COL5A1: variants seen among roughly 807,000 people sequenced by gnomAD.
COL5A1 encodes the protein collagen type V alpha 1 chain, also known as collagen alpha-1(V) chain.
Under a neutral mutation model 263.7 loss-of-function variants are expected in COL5A1, and 16 were observed. That is an observed-to-expected ratio of 0.06 (90% CI 0.04 to 0.09). The LOEUF is 0.09. Ranked by LOEUF, COL5A1 falls within the 10% of genes least tolerant of loss-of-function variation. The probability of loss-of-function intolerance (pLI) is 1.00; values close to 1 mark genes in which losing one functional copy is unlikely to be tolerated. For missense variants in COL5A1, 2,036 were observed against 2,540.5 expected (o/e 0.80, Z 4.27); for synonymous variants, 1,012 against 1,004.5 (o/e 1.01, Z -0.14).
chr9:134,642,151 G>C lies in COL5A1; in HGVS notation c.-37G>C. 8.1e-7 allele frequency: 1 copy of C among 1,238,868 alleles called. No homozygotes were observed. The highest frequency in any genetic ancestry group is 1.0e-6 in the Non-Finnish European group (1 of 995,628). The allele number at this position is 1,238,868 out of a possible 1,614,324, so 76.7% of individuals were successfully genotyped here. ...CCCCTGTGCGTCCCCGCGCGCCTCC[G>C]AGCGCCCCTGTGCGCCCCGGCCCGC... On this transcript the variant is annotated 5_prime_UTR_variant, in exon 1 of 66. Transcript: ENST00000371817. The surrounding 1 kb of genome is among the most constrained non-coding windows in gnomAD (Gnocchi z 4.5).
At position 134,642,339 on chromosome 9, in the gene COL5A1, G is replaced by C; in HGVS notation, c.109+43G>C. On this transcript the variant is annotated intron_variant, in intron 1 of 65. Transcript: ENST00000371817. This position sits in a 1 kb window ranked among gnomAD's most constrained non-coding sequence, Gnocchi z 4.5. ...CGCGGGGCTGCGGGATGGGGCGCGC[G>C]CAGCCCGGGCGCCGCTGTCATCCCC... 1.9e-6 allele frequency: 1 copy of C among 520,056 alleles called. No individual in the cohort carries two copies. Among genetic ancestry groups the C allele is most frequent in the Non-Finnish European group, 2.7e-6 (1 of 368,300 alleles). 32.2% of individuals were successfully genotyped at this position (520,056 alleles called of 1,614,324 possible). A position where few individuals can be genotyped will look rare whatever the true frequency, so the allele number is the denominator to read the frequency against.
chr9:134,733,580 G>A (rs1834984002), intron 9 of COL5A1, among the ~76,000 whole-genome samples: 1 of 152,230 alleles, frequency 6.6e-6, no homozygotes, highest in African/African-American at 2.4e-5. Context: ...GCAGAGGCAT[G>A]AAAGGAGACT....
At chr9:134,749,891 G>A (rs1357832003) in intron 11 of COL5A1, among the ~76,000 whole-genome samples, 1 of 152,246 alleles carries the variant, frequency 6.6e-6, no homozygotes, top group Non-Finnish European at 1.5e-5. Context: ...AAGCTGGCTG[G>A]AATTGGTCTA....
intron 63 of COL5A1, among the ~76,000 whole-genome samples, chr9:134,828,826 ACAC>A (rs1436142427): frequency 1.3e-5 from 2 of 151,082 alleles, no homozygotes; most frequent in Admixed American, 6.6e-5. Context: ...CACACACACC[ACAC>A]ATCACACAGA....
chr9:134,665,545 G>A (rs965700350), intron 1 of COL5A1, among the ~76,000 whole-genome samples: 1 of 152,194 alleles, frequency 6.6e-6, no homozygotes, highest in Admixed American at 6.5e-5. Flanking sequence ...ATTGGGACTC[G>A]TGTGTAGTTT....
intron 4 of COL5A1, among the ~76,000 whole-genome samples, chr9:134,707,700 C>T (rs10858274): frequency 9.9e-4 from 151 of 152,142 alleles, no homozygotes; most frequent in African/African-American, 3.6e-3. Context: ...GCCTTTGGAG[C>T]CTCTGGATCC....
chr9:134,752,675 C>A (rs770365872), intron 14 of COL5A1, 30 bp downstream of exon 14: 22 of 1,578,882 alleles, frequency 1.4e-5, no homozygotes, highest in Non-Finnish European at 1.9e-5. Flanking sequence ...GAGAGCTGGG[C>A]GTGGTGTGGG....
At chr9:134,703,923 G>A (rs892798102) in intron 4 of COL5A1, among the ~76,000 whole-genome samples, 7 of 152,130 alleles carry the variant, frequency 4.6e-5, no homozygotes, top group African/African-American at 1.7e-4. Context: ...GCAGGCGTGA[G>A]CCACCGCGCC....
chr9:134,836,581 G>A (rs1839862628), intron 65 of COL5A1, among the ~76,000 whole-genome samples: 1 of 152,228 alleles, frequency 6.6e-6, no homozygotes, highest in Non-Finnish European at 1.5e-5. Context: ...TCCTCAGTGT[G>A]AGGCCTGGGC....
At chr9:134,687,284 C>T (rs1182604727) in intron 1 of COL5A1, among the ~76,000 whole-genome samples, 1 of 152,204 alleles carries the variant, frequency 6.6e-6, no homozygotes, top group Non-Finnish European at 1.5e-5. Context: ...CACCCTGCAT[C>T]CTTATGCAAA....
Position 134,835,058 on chromosome 9 carries a change from G to T in COL5A1, c.5224G>T (p.Val1742Phe). 6.2e-7 allele frequency: 1 copy of T among 1,613,492 alleles called. No homozygotes were observed. Among genetic ancestry groups the T allele is most frequent in the South Asian group, 1.1e-5 (1 of 91,076 alleles). ...RLLSASAHQNVTYHCYQSVAW... is the reference protein window; with the variant it reads ...RLLSASAHQNFTYHCYQSVAW... ...GCTGAGCGCCTCTGCCCACCAGAAC[G>T]TCACCTACCACTGCTACCAGTCAGT... Residue 1742 changes from valine (V) to phenylalanine (F), a missense_variant, in exon 65 of 66, where the codon GTC becomes TTC. Around this residue, in one of 3 missense-constraint regions of COL5A1, gnomAD observed 358 missense variants for 384.6 expected, o/e 0.93. Coordinates refer to ENST00000371817, the MANE Select transcript of COL5A1 (RefSeq NM_000093.5).
In COL5A1 at chr9:134,696,794, G is replaced by C. The variant is rs1336604389; in HGVS notation, c.278-3115G>C. Reference sequence around the variant, plus strand: ...AAGTAAAAGTGAAAAGCTCTGGCCGGGCGGGGTGGCTCACACCTGTAATCC... The same window carrying C: ...AAGTAAAAGTGAAAAGCTCTGGCCGCGCGGGGTGGCTCACACCTGTAATCC... On this transcript the variant is annotated intron_variant, in intron 2 of 65. Coordinates refer to ENST00000371817, the MANE Select transcript of COL5A1 (RefSeq NM_000093.5). This position sits in a 1 kb window ranked among gnomAD's most constrained non-coding sequence, Gnocchi z 4.3. Among the ~76,000 whole-genome samples, 4 of 152,272 alleles carry C rather than the reference G, an allele frequency of 2.6e-5. No individual in the cohort carries two copies. The East Asian group carries it at 7.7e-4, about 29-fold the overall frequency.
chr9:134,715,371 C>T (rs1178852874), intron 4 of COL5A1, among the ~76,000 whole-genome samples: 1 of 152,178 alleles, frequency 6.6e-6, no homozygotes, highest in African/African-American at 2.4e-5. Flanking sequence ...TACACCAAGA[C>T]ATTCTATTGC....
chr9:134,701,798 T>G (rs1833685746), intron 4 of COL5A1, among the ~76,000 whole-genome samples: 1 of 152,196 alleles, frequency 6.6e-6, no homozygotes, highest in African/African-American at 2.4e-5. Flanking sequence ...CGGGCTGGCC[T>G]CACTCCAGTC....
Position 134,753,858 on chromosome 9 carries a change from T to C in COL5A1, c.1728T>C (p.Pro576=). ...ACACCATGTCTCCCTAGGGTCCCCC[T>C]GGGAGCGGAGGTTTGAAGGGCGAGC... ...LTGRPGPVGP[P]GSGGLKGEPG... The change falls in exon 15 of 66, where the codon CCT becomes CCC. Residue 576 remains proline, a synonymous_variant. Coordinates refer to ENST00000371817, the MANE Select transcript of COL5A1 (RefSeq NM_000093.5). 6.5e-7 allele frequency: 1 copy of C among 1,541,046 alleles called. No homozygotes were observed. The highest frequency in any genetic ancestry group is 8.8e-7 in the Non-Finnish European group (1 of 1,138,182).
At position 134,754,597 on chromosome 9, in the gene COL5A1, C is replaced by T. The variant is rs1206388843; in HGVS notation, c.1827+271C>T. Among the ~76,000 whole-genome samples the T allele has an allele frequency of 6.6e-6, 1 of 152,228 alleles. No individual in the cohort carries two copies. Among genetic ancestry groups the T allele is most frequent in the African/African-American group, 2.4e-5 (1 of 41,464 alleles). On this transcript the variant is annotated intron_variant, in intron 16 of 65. Transcript: ENST00000371817. The surrounding 1 kb of genome is among the most constrained non-coding windows in gnomAD (Gnocchi z 4.3). ...AAACCTTTCTAATTCAAGAAACTTC[C>T]CAGGCCCTTTGGGAGCAAATGTTAA...
At chr9:134,654,992 G>T (rs1383479726) in intron 1 of COL5A1, among the ~76,000 whole-genome samples, 2 of 112,832 alleles carry the variant, frequency 1.8e-5, no homozygotes, top group African/African-American at 7.1e-5. Flanking sequence ...GGCTGGAGGT[G>T]TGTAGGGCTG....
Position 134,758,360 on chromosome 9 carries a change from C to T in COL5A1, c.1935+64C>T. On this transcript the variant is annotated intron_variant, in intron 18 of 65. Coordinates refer to ENST00000371817, the MANE Select transcript of COL5A1 (RefSeq NM_000093.5). This position sits in a 1 kb window ranked among gnomAD's most constrained non-coding sequence, Gnocchi z 4.1. ...GCAGCAGAGGTGTCTCTCGGGAGGC[C>T]CTTCTCCTTCCAGGCAGCCTCAGAT... The T allele has an allele frequency of 6.6e-7, 1 of 1,526,076 alleles. No homozygotes were observed. Among genetic ancestry groups the T allele is most frequent in the Non-Finnish European group, 9.1e-7 (1 of 1,100,832 alleles). 94.5% of individuals were successfully genotyped at this position (1,526,076 alleles called of 1,614,324 possible).
chr9:134,828,612 T>TACCACACACACGATAA (rs1325794292), intron 63 of COL5A1, among the ~76,000 whole-genome samples: 3 of 4,412 alleles, frequency 6.8e-4, no homozygotes, highest in Non-Finnish European at 1.4e-3. Flanking sequence ...ATACACACCA[T>TACCACACACACGATAA]ACACCACACA....
Sources: allele counts gnomAD v4.1 joint callset (sites outside exome capture counted in the v4.1 genomes callset), GRCh38; gene constraint gnomAD v4.1.1; regional missense constraint gnomAD v4.1.1; non-coding constraint Gnocchi (gnomAD v3.1); transcripts MANE v1.5; gene names NCBI Gene and HGNC (gene_info 2026-07-23, HGNC 2026-07-21).